SLC4A4: variants seen among roughly 807,000 people sequenced by gnomAD.
SLC4A4 encodes the protein electrogenic sodium bicarbonate cotransporter 1.
SLC4A4 carries 27 observed loss-of-function variants against 111.5 expected under a neutral mutation model. The observed-to-expected ratio is 0.24, with a 90% CI of 0.18 to 0.33. The LOEUF (loss-of-function observed/expected upper bound fraction) is 0.33, where lower values mean the gene tolerates loss of function less well. Ranked by LOEUF, SLC4A4 falls within the 10% of genes least tolerant of loss-of-function variation. The probability of loss-of-function intolerance (pLI) is 1.00; values close to 1 mark genes in which losing one functional copy is unlikely to be tolerated. For synonymous variants in SLC4A4, 443 were observed against 463.4 expected (o/e 0.96, Z 0.57); for missense variants, 909 against 1,315.5 (o/e 0.69, Z 4.78).
chr4:71,546,990 G>A (rs909205338), intron 19 of SLC4A4, among the ~76,000 whole-genome samples: 23 of 151,944 alleles, frequency 1.5e-4, no homozygotes, highest in Admixed American at 1.5e-3. Context: ...GTGAAGGGCA[G>A]GAGTAGAAGG....
chr4:71,094,997 G>A (rs762342761), intron 2 of SLC4A4, among the ~76,000 whole-genome samples: 3 of 152,146 alleles, frequency 2.0e-5, no homozygotes, highest in Non-Finnish European at 4.4e-5. Flanking sequence ...TTGTTGATCA[G>A]TAAAACTGAT....
At chr4:71,424,463 C>G (rs1198407199) in intron 7 of SLC4A4, among the ~76,000 whole-genome samples, 1 of 151,852 alleles carries the variant, frequency 6.6e-6, no homozygotes, top group African/African-American at 2.4e-5. Context: ...ACTAGAAATA[C>G]CATTTGACCC....
At chr4:71,349,326 T>C (rs2148901659) in intron 4 of SLC4A4, among the ~76,000 whole-genome samples, 1 of 152,208 alleles carries the variant, frequency 6.6e-6, no homozygotes, top group African/African-American at 2.4e-5. Context: ...AAGAGGGGAA[T>C]ATGCATCAGC....
At chr4:71,349,887 C>T (rs577076085) in intron 4 of SLC4A4, 25 bp from the exon 5 acceptor site, 57 of 1,612,504 alleles carry the variant, frequency 3.5e-5, no homozygotes, top group Non-Finnish European at 4.7e-5. Context: ...CTTTTAATTG[C>T]TCTTCACTAA....
chr4:71,518,457 GT>G (rs1316265511), intron 16 of SLC4A4, among the ~76,000 whole-genome samples: 2 of 152,054 alleles, frequency 1.3e-5, no homozygotes, highest in African/African-American at 4.8e-5. Context: ...TGCTGGCATG[GT>G]TCTGCAGCAG....
intron 2 of SLC4A4, among the ~76,000 whole-genome samples, chr4:71,159,779 G>A (rs1485266016): frequency 6.6e-6 from 1 of 152,014 alleles, no homozygotes; most frequent in Non-Finnish European, 1.5e-5. Context: ...TTTTTGTAGA[G>A]CCCTGTATTA....
chr4:71,213,685 G>A (rs953371855), intron 1 of SLC4A4, among the ~76,000 whole-genome samples: 9 of 152,160 alleles, frequency 5.9e-5, no homozygotes, highest in African/African-American at 2.2e-4. Flanking sequence ...TTTCCAGTAC[G>A]ATGATATTTG....
chr4:71,467,993 T>C (rs1270460870), intron 13 of SLC4A4, among the ~76,000 whole-genome samples: 1 of 152,110 alleles, frequency 6.6e-6, no homozygotes, highest in South Asian at 2.1e-4. Context: ...TGAAAGTATG[T>C]GTGTTATCAA....
chr4:71,529,324 T>A (rs1244441466), intron 16 of SLC4A4, among the ~76,000 whole-genome samples: 5 of 152,086 alleles, frequency 3.3e-5, no homozygotes, highest in African/African-American at 9.7e-5. Flanking sequence ...TATATTTGTC[T>A]GAAAAAAAAT....
At position 71,467,856 on chromosome 4, in the gene SLC4A4, C is replaced by T. The variant is rs573235941; in HGVS notation, c.1631+1279C>T. Among the ~76,000 whole-genome samples the T allele has an allele frequency of 2.0e-4, 30 of 151,336 alleles. No individual in the cohort carries two copies. In the South Asian group the frequency reaches 6.3e-3, roughly 32 times the overall value. ...TCCTTAGGTAGATTGAAGAATGTCTCATGGCCTGCTGGCACTCCTTGTTGG... is the reference window on the plus strand; with the variant it reads ...TCCTTAGGTAGATTGAAGAATGTCTTATGGCCTGCTGGCACTCCTTGTTGG... On this transcript the variant is annotated intron_variant, in intron 13 of 25. Transcript: ENST00000264485.
chr4:71,450,605 T>TA (rs879740266), intron 10 of SLC4A4, 62 bp downstream of exon 10: 68,616 of 1,053,850 alleles, frequency 0.065, no homozygotes, highest in East Asian at 0.078. Context: ...GAGGTTGTGT[T>TA]AAAAAAAAAA....
At chr4:71,194,638 C>A (rs1745902592) in intron 1 of SLC4A4, among the ~76,000 whole-genome samples, 1 of 152,116 alleles carries the variant, frequency 6.6e-6, no homozygotes, top group East Asian at 1.9e-4. Flanking sequence ...ACTTGGAGAA[C>A]CCTTGAAAAT....
intron 16 of SLC4A4, among the ~76,000 whole-genome samples, chr4:71,520,460 G>A (rs1010088937): frequency 5.9e-5 from 9 of 152,320 alleles, no homozygotes; most frequent in Non-Finnish European, 1.3e-4. Flanking sequence ...TTTGTGGGAA[G>A]AGCACAATGT....
chr4:71,223,458 C>T (rs1453181654), intron 1 of SLC4A4, among the ~76,000 whole-genome samples: 3 of 152,104 alleles, frequency 2.0e-5, no homozygotes, highest in South Asian at 4.1e-4. Context: ...CCACCGTGCC[C>T]GGCCTGCACT....
chr4:71,156,592 A>G (rs797002877), intron 2 of SLC4A4, among the ~76,000 whole-genome samples: 31 of 131,362 alleles, frequency 2.4e-4, no homozygotes, highest in African/African-American at 8.2e-4. Flanking sequence ...GCGCGCGCAC[A>G]CACACACACA....
chr4:71,075,957 CTAAATAAATAAATAAATAAATAAA>C (rs66711227), intron 1 of SLC4A4, among the ~76,000 whole-genome samples: 76 of 140,270 alleles, frequency 5.4e-4, no homozygotes, highest in African/African-American at 1.9e-3. Context: ...GACTCCATCT[CTAAATAAATAAATAAATAAATAAA>C]TAAATAAATA....
chr4:71,196,129 T>C (rs1745988552), intron 1 of SLC4A4, among the ~76,000 whole-genome samples: 1 of 152,238 alleles, frequency 6.6e-6, no homozygotes, highest in Non-Finnish European at 1.5e-5. Context: ...ACAGTTGAAC[T>C]GCTTCACAAA....
intron 16 of SLC4A4, among the ~76,000 whole-genome samples, 200 bp from the exon 17 acceptor site, chr4:71,531,862 A>C (rs1733962156): frequency 6.6e-6 from 1 of 151,854 alleles, no homozygotes; most frequent in African/African-American, 2.4e-5. Flanking sequence ...GGGATACATT[A>C]CATTATCTAG....
chr4:71,361,393 A>G (rs1006993485), intron 6 of SLC4A4, among the ~76,000 whole-genome samples: 3 of 152,194 alleles, frequency 2.0e-5, no homozygotes, highest in African/African-American at 7.2e-5. Context: ...TTTTATCTGT[A>G]ATAAATCAGG....
Sources: allele counts gnomAD v4.1 joint callset (sites outside exome capture counted in the v4.1 genomes callset), GRCh38; gene constraint gnomAD v4.1.1; transcripts MANE v1.5; gene names NCBI Gene and HGNC (gene_info 2026-07-23, HGNC 2026-07-21).